The following WDR47 variants were observed in gnomAD, a reference collection of about 807,000 sequenced individuals.
WDR47 encodes the protein WD repeat-containing protein 47.
In WDR47, 32 loss-of-function variants were observed where a neutral mutation model predicts 97.2. The observed-to-expected ratio is 0.33, with a 90% CI of 0.25 to 0.44. The LOEUF is 0.44. WDR47 is among the 20% of genes least tolerant of loss of function. The probability of loss-of-function intolerance (pLI) is 1.00; values close to 1 mark genes in which losing one functional copy is unlikely to be tolerated. For missense variants in WDR47, 782 were observed against 1,102.3 expected (o/e 0.71, Z 4.11); for synonymous variants, 375 against 373.5 (o/e 1.00, Z -0.05).
chr1:109,013,602 A>G (rs980273287), intron 4 of WDR47, among the ~76,000 whole-genome samples: 2 of 152,140 alleles, frequency 1.3e-5, no homozygotes, highest in Admixed American at 6.5e-5. Flanking sequence ...TACCTTAAAC[A>G]AGAGAGATGC....
chr1:108,997,121 A>G (rs1056255951), intron 7 of WDR47, among the ~76,000 whole-genome samples: 1 of 151,854 alleles, frequency 6.6e-6, no homozygotes, highest in Non-Finnish European at 1.5e-5. Flanking sequence ...ATCTCCAAAA[A>G]AAAAAAAAGA....
At chr1:108,991,383 A>T in intron 8 of WDR47, 54 bp from the exon 9 acceptor site, 1 of 1,502,630 alleles carries the variant, frequency 6.7e-7, no homozygotes, top group African/African-American at 1.4e-5. Flanking sequence ...AATAGAAACT[A>T]AATTAATTTA....
At chr1:108,999,959 CA>C (rs1239058654) in intron 7 of WDR47, among the ~76,000 whole-genome samples, 3 of 152,184 alleles carry the variant, frequency 2.0e-5, no homozygotes, top group African/African-American at 7.2e-5. Flanking sequence ...ATAATTCTGA[CA>C]AGCCACCCAC....
intron 6 of WDR47, among the ~76,000 whole-genome samples, chr1:109,003,436 G>C (rs1217320817): frequency 6.6e-6 from 1 of 151,412 alleles, no homozygotes; most frequent in Non-Finnish European, 1.5e-5. Flanking sequence ...TTAATATTTA[G>C]TTGAAAACAA....
chr1:109,000,664 G>C (rs1337197801), intron 7 of WDR47, among the ~76,000 whole-genome samples: 2 of 152,008 alleles, frequency 1.3e-5, no homozygotes, highest in African/African-American at 4.8e-5. Context: ...CTGGGCGACA[G>C]AGTGAGACTC....
intron 9 of WDR47, among the ~76,000 whole-genome samples, chr1:108,989,696 G>A (rs1659168101): frequency 6.6e-6 from 1 of 152,154 alleles, no homozygotes; most frequent in Non-Finnish European, 1.5e-5. Context: ...CCTCCAGAGT[G>A]TTTTAAATTT....
chr1:108,989,525 ACACAGGG>A (rs1659149684), intron 9 of WDR47, among the ~76,000 whole-genome samples: 1 of 152,222 alleles, frequency 6.6e-6, no homozygotes, highest in Non-Finnish European at 1.5e-5. Context: ...AATAATCCAT[ACACAGGG>A]AATGTGACTG....
Position 108,992,772 on chromosome 1 carries a change from T to C in WDR47, c.1692-1443A>G, listed in dbSNP as rs182620399. On this transcript the variant is annotated intron_variant, in intron 8 of 14. Transcript: ENST00000369962. The stretch of plus-strand genomic sequence containing the variant: ...ATTGTTCCTAAACCAGAAGAGGAGG[T>C]TGCCCAGAAGAAAAGGATATCCCAG... 62 of 1,596,756 alleles carry C rather than the reference T, an allele frequency of 3.9e-5. 1 individual carries two copies. The Middle Eastern group carries it at 6.8e-4, about 17-fold the overall frequency.
chr1:109,005,176 C>T (rs1397320890), intron 5 of WDR47, among the ~76,000 whole-genome samples: 1 of 152,272 alleles, frequency 6.6e-6, no homozygotes. Flanking sequence ...CCAAGGCAGG[C>T]AGCTCGCTTG....
At chr1:109,034,812 C>T (rs1480122720) in intron 1 of WDR47, among the ~76,000 whole-genome samples, 1 of 152,142 alleles carries the variant, frequency 6.6e-6, no homozygotes, top group African/African-American at 2.4e-5. Flanking sequence ...AGAATACTAA[C>T]ACAGTGACGT....
chr1:109,018,496 A>C (rs1661588012), intron 2 of WDR47, among the ~76,000 whole-genome samples: 1 of 151,688 alleles, frequency 6.6e-6, no homozygotes, highest in South Asian at 2.1e-4. Flanking sequence ...TTCATCTTAC[A>C]GTTTTAAAGC....
rs189925843 is a variant in WDR47, at chr1:108,971,131, C to T, written c.*299G>A. The T allele has an allele frequency of 8.8e-5, 26 of 294,020 alleles. No homozygotes were observed. In the East Asian group the frequency reaches 1.3e-3, roughly 15 times the overall value. 18.2% of individuals were successfully genotyped at this position (294,020 alleles called of 1,614,324 possible). ...CCAAGGAATGCATTGAATACTAAAC[C>T]GTAAACACATTGTCCATCCTGACTT... On this transcript the variant is annotated 3_prime_UTR_variant, in exon 15 of 15. Transcript: ENST00000369962.
intron 2 of WDR47, 70 bp downstream of exon 2, chr1:109,023,285 T>C (rs551465833): frequency 5.5e-6 from 8 of 1,447,550 alleles, no homozygotes; most frequent in Admixed American, 2.1e-5. Flanking sequence ...CTGTATTATA[T>C]ATATTACCTT....
At chr1:109,010,140 C>T (rs2101938038) in intron 5 of WDR47, among the ~76,000 whole-genome samples, 1 of 152,242 alleles carries the variant, frequency 6.6e-6, no homozygotes, top group Middle Eastern at 3.4e-3. Context: ...TGTATTATAT[C>T]TATAACCAGC....
intron 1 of WDR47, among the ~76,000 whole-genome samples, chr1:109,039,717 G>A (rs750907063): frequency 3.6e-4 from 54 of 152,078 alleles, no homozygotes; most frequent in South Asian, 1.9e-3. Flanking sequence ...GGAGTCTGAA[G>A]ACCTGGGTTC....
chr1:109,030,180 G>T, intron 1 of WDR47: 1 of 1,468,488 alleles, frequency 6.8e-7, no homozygotes, highest in Non-Finnish European at 9.3e-7. Flanking sequence ...GAAATGCCCA[G>T]GATAATATAA....
rs1209256661 is a variant in WDR47, at chr1:109,031,707, A to G, written c.-9-8186T>C. Reference sequence around the variant, plus strand: ...AGTAAACTAATGCATATAATGAAGTAATAATATTTCAAAGGAATTTGTATT... The same window carrying G: ...AGTAAACTAATGCATATAATGAAGTGATAATATTTCAAAGGAATTTGTATT... On this transcript the variant is annotated intron_variant, in intron 1 of 14. Coordinates refer to ENST00000369962, the MANE Select transcript of WDR47 (RefSeq NM_001142551.2). Among the ~76,000 whole-genome samples the G allele has an allele frequency of 2.9e-5, 4 of 139,668 alleles. 1 individual carries two copies. The highest frequency in any genetic ancestry group is 6.4e-5 in the Non-Finnish European group (4 of 62,734). The allele number at this position is 139,668 out of a possible 152,430, so 91.6% of individuals were successfully genotyped here.
chr1:108,974,517 A>T lies in WDR47; in HGVS notation c.2617+19T>A, dbSNP rs1395643044. The T allele has an allele frequency of 6.2e-7, 1 of 1,605,410 alleles. No individual in the cohort carries two copies. The highest frequency in any genetic ancestry group is 8.5e-7 in the Non-Finnish European group (1 of 1,173,476). ...ATAGAACAGGAAAGACTAAAAACAG[A>T]GAAGTCGATCTCAATCACCTTGTAG... On this transcript the variant is annotated intron_variant, in intron 14 of 14. Transcript: ENST00000369962.
chr1:109,039,613 T>A (rs1663207007), intron 1 of WDR47, among the ~76,000 whole-genome samples: 1 of 152,102 alleles, frequency 6.6e-6, no homozygotes, highest in African/African-American at 2.4e-5. Context: ...AAACTCAACA[T>A]AGAGAAAAAT....
Sources: gnomAD v4.1 joint callset for allele counts (sites outside exome capture counted in the v4.1 genomes callset) on GRCh38, gnomAD v4.1.1 for gene constraint, MANE v1.5 for transcripts, NCBI Gene and HGNC (gene_info 2026-07-23, HGNC 2026-07-21) for gene names.